ANKS1B: variants seen among roughly 807,000 people sequenced by gnomAD.
The protein encoded by ANKS1B is ankyrin repeat and sterile alpha motif domain-containing protein 1B.
Under a neutral mutation model 148.3 loss-of-function variants are expected in ANKS1B, and 36 were observed. That is an observed-to-expected ratio of 0.24 (90% CI 0.19 to 0.32). ANKS1B has a LOEUF of 0.32. ANKS1B is among the 10% of genes least tolerant of loss of function. The pLI, the probability that ANKS1B is intolerant of heterozygous loss-of-function variation, is 1.00. For missense variants in ANKS1B, 1,157 were observed against 1,542.6 expected (o/e 0.75, Z 4.19); for synonymous variants, 542 against 560.8 (o/e 0.97, Z 0.47).
chr12:99,887,410 T>G (rs2092882909), intron 1 of ANKS1B, among the ~76,000 whole-genome samples: 1 of 152,226 alleles, frequency 6.6e-6, no homozygotes. Context: ...ATTATTAAAA[T>G]TAATATCATC....
chr12:99,803,003 T>TG (rs1343715587), intron 4 of ANKS1B, among the ~76,000 whole-genome samples: 1 of 152,040 alleles, frequency 6.6e-6, no homozygotes, highest in Non-Finnish European at 1.5e-5. Context: ...GTTTTAAAGA[T>TG]TTATTCATAA....
At chr12:98,941,621 T>C (rs1250944965) in intron 17 of ANKS1B, among the ~76,000 whole-genome samples, 1 of 152,184 alleles carries the variant, frequency 6.6e-6, no homozygotes, top group Non-Finnish European at 1.5e-5. Context: ...CTGTGACTAA[T>C]GAAGATTGAC....
At chr12:99,860,533 T>A (rs2089881756) in intron 1 of ANKS1B, among the ~76,000 whole-genome samples, 1 of 152,186 alleles carries the variant, frequency 6.6e-6, no homozygotes, top group African/African-American at 2.4e-5. Flanking sequence ...TGATCAGATT[T>A]ATATTTTTTA....
chr12:99,379,660 AACATAG>A (rs1030137938), intron 12 of ANKS1B, among the ~76,000 whole-genome samples: 17 of 152,214 alleles, frequency 1.1e-4, no homozygotes, highest in African/African-American at 4.1e-4. Flanking sequence ...ACACAAGTAC[AACATAG>A]TAAAGCTAGA....
At chr12:99,620,784 T>C (rs1004195221) in intron 9 of ANKS1B, among the ~76,000 whole-genome samples, 3 of 152,142 alleles carry the variant, frequency 2.0e-5, no homozygotes, top group African/African-American at 7.2e-5. Context: ...CCATGAATTA[T>C]TGGCATTGAT....
intron 9 of ANKS1B, among the ~76,000 whole-genome samples, chr12:99,538,370 T>C (rs1180559751): frequency 6.6e-6 from 1 of 152,166 alleles, no homozygotes; most frequent in Non-Finnish European, 1.5e-5. Context: ...TTTAATAATA[T>C]TGAGTCTTCC....
At position 99,773,071 on chromosome 12, in the gene ANKS1B, C is replaced by T; in HGVS notation, c.979G>A (p.Glu327Lys). The T allele has an allele frequency of 6.2e-7, 1 of 1,605,770 alleles. No individual in the cohort carries two copies. Residue 327 changes from glutamate to lysine, a missense_variant, in exon 8 of 27, where the codon GAA becomes AAA. By Grantham distance (56) the Glu-to-Lys change is moderately conservative. This residue lies in a region of ANKS1B where 661 missense variants were observed against 642.1 expected (regional missense o/e 1.03). Transcript: ENST00000683438. ...QKTKSETVTGELSKLLDEIKL... is the reference protein window; with the variant it reads ...QKTKSETVTGKLSKLLDEIKL... ...ATTTCATCCAAGAGTTTTGATAATT[C>T]TCCAGTGACGGTTTCACCTATGAGA... is the stretch of plus-strand genomic sequence containing the variant.
chr12:99,821,470 CA>C (rs5800383), intron 2 of ANKS1B, among the ~76,000 whole-genome samples: 90,874 of 145,808 alleles, frequency 0.62, 27,731 homozygotes, highest in South Asian at 0.73. Context: ...TCTAAATCAC[CA>C]AAAAAAAAAA....
intron 9 of ANKS1B, among the ~76,000 whole-genome samples, chr12:99,573,462 G>A (rs1372666833): frequency 1.3e-5 from 2 of 151,786 alleles, no homozygotes; most frequent in Non-Finnish European, 2.9e-5. Flanking sequence ...TTTTTCTATT[G>A]CCAGGAATAA....
chr12:98,793,080 A>C (rs1457069380), intron 22 of ANKS1B, among the ~76,000 whole-genome samples: 1 of 152,232 alleles, frequency 6.6e-6, no homozygotes, highest in Non-Finnish European at 1.5e-5. Flanking sequence ...TATTCCCACC[A>C]ACAATGTACA....
At chr12:98,813,813 C>T (rs913345604) in intron 19 of ANKS1B, among the ~76,000 whole-genome samples, 7 of 152,086 alleles carry the variant, frequency 4.6e-5, no homozygotes, top group African/African-American at 1.4e-4. Context: ...CCTTGGCCTC[C>T]CAAAGTGCTG....
intron 14 of ANKS1B, among the ~76,000 whole-genome samples, chr12:99,195,463 C>T (rs1249670005): frequency 1.3e-5 from 2 of 151,892 alleles, no homozygotes; most frequent in Non-Finnish European, 2.9e-5. Context: ...GCAGCACAAT[C>T]TGTTATATTG....
chr12:99,961,019 G>C (rs2095404472), intron 1 of ANKS1B, among the ~76,000 whole-genome samples: 1 of 152,150 alleles, frequency 6.6e-6, no homozygotes, highest in Non-Finnish European at 1.5e-5. Flanking sequence ...TCTGAGGTCA[G>C]GAATTCAAGA....
intron 17 of ANKS1B, among the ~76,000 whole-genome samples, chr12:98,857,403 C>T (rs2099577363): frequency 6.6e-6 from 1 of 151,968 alleles, no homozygotes; most frequent in African/African-American, 2.4e-5. Flanking sequence ...TTGCAGGGGG[C>T]CTTGAGGCTA....
intron 10 of ANKS1B, among the ~76,000 whole-genome samples, chr12:99,493,330 T>C (rs1002209116): frequency 6.6e-6 from 1 of 152,192 alleles, no homozygotes; most frequent in Admixed American, 6.5e-5. Flanking sequence ...ATGTGAATAA[T>C]AAATTCACAT....
chr12:98,853,299 G>T (rs2099541907), intron 17 of ANKS1B, among the ~76,000 whole-genome samples: 1 of 152,214 alleles, frequency 6.6e-6, no homozygotes, highest in Non-Finnish European at 1.5e-5. Context: ...TCAGTTGTCT[G>T]CAGAGTTCCA....
chr12:99,058,630 A>C (rs1020834255), intron 16 of ANKS1B, among the ~76,000 whole-genome samples: 1 of 150,034 alleles, frequency 6.7e-6, no homozygotes, highest in African/African-American at 2.5e-5. Context: ...TCCACTGTAC[A>C]TGTAATATAC....
intron 8 of ANKS1B, among the ~76,000 whole-genome samples, chr12:99,666,023 A>AT (rs1311948869): frequency 2.0e-5 from 3 of 152,138 alleles, no homozygotes; most frequent in Admixed American, 6.5e-5. Flanking sequence ...TAAGAAACCT[A>AT]TTTTTTTAAT....
intron 11 of ANKS1B, among the ~76,000 whole-genome samples, chr12:99,436,862 C>T (rs2095469886): frequency 6.6e-6 from 1 of 151,846 alleles, no homozygotes; most frequent in African/African-American, 2.4e-5. Context: ...GAGCTCTGAG[C>T]CTTTGACCTT....
Sources: gnomAD v4.1 joint callset for allele counts (sites outside exome capture counted in the v4.1 genomes callset) on GRCh38, gnomAD v4.1.1 for gene constraint, gnomAD v4.1.1 regional missense constraint, MANE v1.5 for transcripts, NCBI Gene and HGNC (gene_info 2026-07-23, HGNC 2026-07-21) for gene names.